The following RHOD variants were observed in gnomAD, a reference collection of about 807,000 sequenced individuals.
The protein encoded by RHOD is ras homolog family member D, also known as rho-related GTP-binding protein RhoD.
Under a neutral mutation model 16.7 loss-of-function variants are expected in RHOD, and 11 were observed. The observed-to-expected ratio is 0.66, with a 90% CI of 0.41 to 1.09. The LOEUF (loss-of-function observed/expected upper bound fraction) is 1.09, where lower values mean the gene tolerates loss of function less well. Ranked by LOEUF, RHOD falls within the 50% of genes least tolerant of loss-of-function variation. The probability of loss-of-function intolerance (pLI) is 0.00; values close to 1 mark genes in which losing one functional copy is unlikely to be tolerated. For missense variants in RHOD, 271 were observed against 291.7 expected (o/e 0.93, Z 0.52); for synonymous variants, 124 against 126.3 (o/e 0.98, Z 0.12).
intron 1 of RHOD, among the ~76,000 whole-genome samples, chr11:67,065,412 G>A (rs1046458149): frequency 5.3e-4 from 81 of 151,914 alleles, no homozygotes; most frequent in African/African-American, 1.8e-3. Flanking sequence ...ACAGAGTCTT[G>A]CTCTGTCACC....
chr11:67,071,449 G>T lies in RHOD; in HGVS notation c.480G>T (p.Ala160=). 1 of 1,595,332 alleles carries T rather than the reference G, an allele frequency of 6.3e-7. No individual in the cohort carries two copies. Among genetic ancestry groups the T allele is most frequent in the Non-Finnish European group, 8.5e-7 (1 of 1,171,660 alleles). The change falls in exon 5 of 5, where the codon GCG becomes GCT. Residue 160 remains alanine, a synonymous_variant. Coordinates refer to ENST00000308831, the MANE Select transcript of RHOD (RefSeq NM_014578.4). ...PVTYHRGQEM[A]RSVGAVAYLE... is the part of the protein sequence containing the mutation. Reference sequence around the variant, plus strand: ...TCTCCCTCTAGGGCCAGGAGATGGCGAGGTCCGTGGGCGCGGTGGCCTACC... The same window carrying T: ...TCTCCCTCTAGGGCCAGGAGATGGCTAGGTCCGTGGGCGCGGTGGCCTACC...
intron 1 of RHOD, among the ~76,000 whole-genome samples, chr11:67,058,766 G>A (rs1010096846): frequency 6.6e-6 from 1 of 152,160 alleles, no homozygotes; most frequent in Admixed American, 6.6e-5. Flanking sequence ...CCCACCCTTG[G>A]CCCATGTGCT....
At chr11:67,070,307 C>T (rs1044380328) in intron 3 of RHOD, 118 bp from the exon 4 acceptor site, 1 of 1,081,002 alleles carries the variant, frequency 9.3e-7, no homozygotes. Flanking sequence ...TAGGTGCTGG[C>T]TTTGCTGATT....
intron 1 of RHOD, among the ~76,000 whole-genome samples, chr11:67,058,331 G>A (rs527722070): frequency 1.2e-4 from 19 of 152,208 alleles, no homozygotes; most frequent in Admixed American, 5.2e-4. Flanking sequence ...GCGTGCCACC[G>A]TGCCCAGCTA....
intron 1 of RHOD, among the ~76,000 whole-genome samples, chr11:67,058,167 T>A (rs1565350085): frequency 6.6e-6 from 1 of 152,102 alleles, no homozygotes; most frequent in African/African-American, 2.4e-5. Context: ...AGCTAATTTT[T>A]AAAATTATTT....
At chr11:67,061,755 A>AAT (rs1264429454) in intron 1 of RHOD, among the ~76,000 whole-genome samples, 3,739 of 126,982 alleles carry the variant, frequency 0.029, 252 homozygotes, top group African/African-American at 0.11. Flanking sequence ...AAAAAAAAAA[A>AAT]ATATATATAT....
chr11:67,062,335 GC>G (rs1854903265), intron 1 of RHOD, among the ~76,000 whole-genome samples: 1 of 152,180 alleles, frequency 6.6e-6, no homozygotes, highest in African/African-American at 2.4e-5. Context: ...GAGTGCTGGA[GC>G]CCGGTCTTAA....
intron 1 of RHOD, among the ~76,000 whole-genome samples, chr11:67,064,222 C>T (rs540083297): frequency 2.8e-4 from 42 of 148,894 alleles, no homozygotes; most frequent in Admixed American, 1.1e-3. Context: ...CTGGCTAACA[C>T]GGTGAAACCC....
chr11:67,069,570 G>A (rs896028031), intron 3 of RHOD, among the ~76,000 whole-genome samples: 1 of 152,024 alleles, frequency 6.6e-6, no homozygotes, highest in African/African-American at 2.4e-5. Context: ...TGTTGGCCAG[G>A]CTGGTCTCGA....
chr11:67,065,907 CA>C lies in RHOD; in HGVS notation c.145del (p.Thr49ArgfsTer12). On this transcript the variant is annotated frameshift_variant, in exon 2 of 5. Coordinates refer to ENST00000308831, the MANE Select transcript of RHOD (RefSeq NM_014578.4). LOFTEE classifies it high-confidence loss of function. ...DGAFPESYTPTVFERYMVNLQ... is the reference protein window; with the variant it reads ...DGAFPESYTPXVFERYMVNLQ... ...CTGCTTCTCCTCAGAGCTACACCCCCACGGTGTTTGAGCGGTACATGGTCAA... is the reference window on the plus strand; with the variant it reads ...CTGCTTCTCCTCAGAGCTACACCCCCCGGTGTTTGAGCGGTACATGGTCAA... The C allele has an allele frequency of 6.2e-7, 1 of 1,613,770 alleles. No homozygotes were observed. The highest frequency in any genetic ancestry group is 8.5e-7 in the Non-Finnish European group (1 of 1,179,702).
rs1423411284 is a variant in RHOD, at chr11:67,071,166, G to A, written c.466-269G>A. On this transcript the variant is annotated intron_variant, in intron 4 of 4. Transcript: ENST00000308831. ...GCAGGAGAATCACTTGAACCCGGTTGGAGGAGCTGCAGTGAGCTGAGATCG... is the reference window on the plus strand; with the variant it reads ...GCAGGAGAATCACTTGAACCCGGTTAGAGGAGCTGCAGTGAGCTGAGATCG... Among the ~76,000 whole-genome samples the A allele has an allele frequency of 3.3e-5, 5 of 152,132 alleles. No homozygotes were observed. In the East Asian group the frequency reaches 9.6e-4, roughly 29 times the overall value.
At chr11:67,066,681 G>A in intron 2 of RHOD, 57 bp from the exon 3 acceptor site, 1 of 1,095,408 alleles carries the variant, frequency 9.1e-7, no homozygotes, top group Non-Finnish European at 1.4e-6. Flanking sequence ...TGACATTGGG[G>A]CAGTGCTGAC....
chr11:67,063,259 G>C (rs1374007986), intron 1 of RHOD, among the ~76,000 whole-genome samples: 5 of 152,144 alleles, frequency 3.3e-5, no homozygotes, highest in Admixed American at 6.5e-5. Context: ...GGGAGGCCAA[G>C]GTGGGTGGAT....
In RHOD at chr11:67,065,776, C is replaced by G. The variant is rs559151679; in HGVS notation, c.133-120C>G. 248 of 651,630 alleles carry G rather than the reference C, an allele frequency of 3.8e-4. 2 individuals carry two copies. In the South Asian group the frequency reaches 4.0e-3, roughly 10 times the overall value. The allele number at this position is 651,630 out of a possible 1,614,324, so 40.4% of individuals were successfully genotyped here. On this transcript the variant is annotated intron_variant, in intron 1 of 4. Transcript: ENST00000308831. ...CACCCCAGGCAGGCCAAGGAGGAGG[C>G]TTCTCACAAACAACTACGCTCCACT...
intron 2 of RHOD, 79 bp from the exon 3 acceptor site, chr11:67,066,659 G>T (rs1299034075): frequency 3.2e-6 from 3 of 946,084 alleles, no homozygotes; most frequent in Non-Finnish European, 5.2e-6. Flanking sequence ...CCCATCTGAT[G>T]AGGTGACCTC....
intron 1 of RHOD, among the ~76,000 whole-genome samples, chr11:67,057,921 G>A (rs1026772029): frequency 4.6e-5 from 7 of 152,230 alleles, no homozygotes; most frequent in African/African-American, 1.4e-4. Context: ...GGCACCAGGC[G>A]GCCCCTGCTC....
Position 67,065,904 on chromosome 11 carries a change from C to G in RHOD, c.141C>G (p.Thr47=). 1 of 1,613,642 alleles carries G rather than the reference C, an allele frequency of 6.2e-7. No individual in the cohort carries two copies. Among genetic ancestry groups the G allele is most frequent in the Non-Finnish European group, 8.5e-7 (1 of 1,179,616 alleles). Residue 47 remains threonine (T), a synonymous_variant, in exon 2 of 5, where the codon ACC becomes ACG. Transcript: ENST00000308831. ...FADGAFPESY[T]PTVFERYMVN... ...GCCCTGCTTCTCCTCAGAGCTACAC[C>G]CCCACGGTGTTTGAGCGGTACATGG...
Position 67,056,925 on chromosome 11 carries a change from G to T in RHOD, c.23G>T (p.Gly8Val). The T allele has an allele frequency of 1.4e-6, 2 of 1,475,148 alleles. No homozygotes were observed. The highest frequency in any genetic ancestry group is 8.9e-7 in the Non-Finnish European group (1 of 1,121,804). The allele number at this position is 1,475,148 out of a possible 1,614,324, so 91.4% of individuals were successfully genotyped here. A position where few individuals can be genotyped will look rare whatever the true frequency, so the allele number is the denominator to read the frequency against. Residue 8 changes from glycine to valine, a missense_variant, in exon 1 of 5, where the codon GGT (glycine) becomes GTT (valine). Gly to Val is a moderately radical substitution (Grantham distance 109). Coordinates refer to ENST00000308831, the MANE Select transcript of RHOD (RefSeq NM_014578.4). Reference protein sequence around the residue: MTAAQAAGEEAPPGVRSV... With the variant: MTAAQAAVEEAPPGVRSV... ...GGGATGACGGCGGCCCAGGCCGCGG[G>T]TGAGGAGGCGCCACCAGGCGTGCGG...
intron 1 of RHOD, among the ~76,000 whole-genome samples, chr11:67,062,145 G>A (rs1854900851): frequency 6.6e-6 from 1 of 152,156 alleles, no homozygotes; most frequent in Non-Finnish European, 1.5e-5. Flanking sequence ...TGGCGAAGGT[G>A]TCACCACCTG....
Sources: allele counts gnomAD v4.1 joint callset (sites outside exome capture counted in the v4.1 genomes callset), GRCh38; gene constraint gnomAD v4.1.1; transcripts MANE v1.5; gene names NCBI Gene and HGNC (gene_info 2026-07-23, HGNC 2026-07-21).